The following ANK3 variants were observed in gnomAD, a reference collection of about 807,000 sequenced individuals.
ANK3 encodes the protein ankyrin-3.
Under a neutral mutation model 370.9 loss-of-function variants are expected in ANK3, and 57 were observed. The observed-to-expected ratio is 0.15, with a 90% CI of 0.12 to 0.19. ANK3 has a LOEUF of 0.19. ANK3 is among the 10% of genes least tolerant of loss of function. The pLI is 1.00. For missense variants in ANK3, 4,439 were observed against 5,302.1 expected, an observed-to-expected ratio of 0.84 and a Z score of 5.06; for synonymous variants, 1,929 against 1,946.3, an observed-to-expected ratio of 0.99 and a Z score of 0.23.
intron 2 of ANK3, among the ~76,000 whole-genome samples, chr10:60,539,159 C>T (rs2076790149): frequency 6.6e-6 from 1 of 151,924 alleles, no homozygotes; most frequent in Non-Finnish European, 1.5e-5. Flanking sequence ...ACCATTAATA[C>T]TTGAAATGTC....
chr10:60,531,385 G>A (rs1226566259), intron 2 of ANK3, among the ~76,000 whole-genome samples: 2 of 152,014 alleles, frequency 1.3e-5, no homozygotes, highest in African/African-American at 2.4e-5. Flanking sequence ...TTATATACAT[G>A]TGCCTTTGTA....
At chr10:60,628,608 T>C (rs1337102830) in intron 1 of ANK3, among the ~76,000 whole-genome samples, 1 of 152,118 alleles carries the variant, frequency 6.6e-6, no homozygotes, top group Non-Finnish European at 1.5e-5. Context: ...ACAAAATGGT[T>C]TCAAGAAAAT....
At chr10:60,357,168 C>T (rs2057889885) in intron 1 of ANK3, among the ~76,000 whole-genome samples, 1 of 152,166 alleles carries the variant, frequency 6.6e-6, no homozygotes, top group Non-Finnish European at 1.5e-5. Context: ...GTTTCTGAGG[C>T]TCTGGCCTCT....
intron 1 of ANK3, among the ~76,000 whole-genome samples, chr10:60,313,928 GT>G (rs760802914): frequency 0.011 from 1,404 of 132,048 alleles, 23 homozygotes; most frequent in African/African-American, 0.035. Context: ...TTTTGTTTTT[GT>G]TTTTTTTTTT....
At chr10:60,398,880 C>A (rs2063297561) in intron 2 of ANK3, among the ~76,000 whole-genome samples, 1 of 152,168 alleles carries the variant, frequency 6.6e-6, no homozygotes, top group African/African-American at 2.4e-5. Flanking sequence ...ATATCTGGTT[C>A]ACTATGTCCA....
chr10:60,064,041 CT>C, intron 39 of ANK3, 115 bp downstream of exon 39: 1 of 988,040 alleles, frequency 1.0e-6, no homozygotes, highest in Non-Finnish European at 1.4e-6. Context: ...ACTTAGTTTT[CT>C]ATATTAAAGA....
intron 1 of ANK3, among the ~76,000 whole-genome samples, chr10:60,377,572 G>A (rs1396860487): frequency 6.6e-6 from 1 of 152,110 alleles, no homozygotes; most frequent in Non-Finnish European, 1.5e-5. Context: ...AAACAAATGA[G>A]CAATACTGGT....
intron 18 of ANK3, among the ~76,000 whole-genome samples, chr10:60,179,154 C>T (rs753531632): frequency 1.3e-5 from 2 of 152,298 alleles, no homozygotes; most frequent in Admixed American, 6.5e-5. Context: ...TGGGATACAA[C>T]AAATTCCTTA....
At chr10:60,060,040 T>G in intron 40 of ANK3, 4 of 1,482,400 alleles carry the variant, frequency 2.7e-6, no homozygotes, top group Non-Finnish European at 3.6e-6. Context: ...CTGACTGGAA[T>G]GAATTAGAAT....
In ANK3 at chr10:60,173,141, T is replaced by G. The variant is rs1461482104; in HGVS notation, c.2230A>C (p.Lys744Gln). 6.2e-7 allele frequency: 1 copy of G among 1,614,086 alleles called. No homozygotes were observed. The highest frequency in any genetic ancestry group is 8.5e-7 in the Non-Finnish European group (1 of 1,179,952). ...LHVGCHYGNIKIVNFLLQHSA... is the reference protein window; with the variant it reads ...LHVGCHYGNIQIVNFLLQHSA... The stretch of plus-strand genomic sequence containing the variant: ...TGCTGGAGCAGGAAATTAACAATCT[T>G]GATATTTCCATAGTGGCAGCCCACA... Residue 744 changes from lysine to glutamine, a missense_variant, in exon 19 of 44, where the codon AAG (lysine) becomes CAG (glutamine). Around this residue, in one of 13 missense-constraint regions of ANK3, gnomAD observed 702 missense variants for 941.5 expected, o/e 0.75. Transcript: ENST00000280772.
At chr10:60,047,464 A>G (rs2077157429) in intron 42 of ANK3, among the ~76,000 whole-genome samples, 1 of 152,266 alleles carries the variant, frequency 6.6e-6, no homozygotes, top group South Asian at 2.1e-4. Flanking sequence ...TATATTTTAC[A>G]AAAAGCAAAT....
intron 2 of ANK3, among the ~76,000 whole-genome samples, chr10:60,586,589 C>A (rs1248954687): frequency 1.3e-5 from 2 of 152,148 alleles, no homozygotes; most frequent in African/African-American, 4.8e-5. Context: ...GAGCTGGTTT[C>A]TGGCAGAGAC....
At chr10:60,649,807 T>C (rs58725306) in intron 1 of ANK3, among the ~76,000 whole-genome samples, 1,677 of 152,326 alleles carry the variant, frequency 0.011, 23 homozygotes, top group African/African-American at 0.037. Flanking sequence ...ACTCCATTTC[T>C]CTTTCTTCTA....
chr10:60,489,467 G>T (rs569254233), intron 2 of ANK3, among the ~76,000 whole-genome samples: 7 of 152,154 alleles, frequency 4.6e-5, no homozygotes, highest in African/African-American at 1.7e-4. Context: ...ACAAAAAGCA[G>T]AAAAATATAG....
At chr10:60,496,576 C>T (rs1460697176) in intron 2 of ANK3, among the ~76,000 whole-genome samples, 1 of 150,654 alleles carries the variant, frequency 6.6e-6, no homozygotes, top group East Asian at 1.9e-4. Flanking sequence ...AAAACAACTT[C>T]AAGAAGAAAA....
intron 1 of ANK3, among the ~76,000 whole-genome samples, chr10:60,679,155 C>A (rs1437492642): frequency 6.6e-6 from 1 of 152,082 alleles, no homozygotes; most frequent in Non-Finnish European, 1.5e-5. Flanking sequence ...TGCCAAATAC[C>A]AAAATTGCTG....
chr10:60,122,140 T>G (rs1022296088), intron 25 of ANK3, among the ~76,000 whole-genome samples: 1 of 152,202 alleles, frequency 6.6e-6, no homozygotes, highest in Non-Finnish European at 1.5e-5. Context: ...CACTCCCGAT[T>G]TTTCCAGTTT....
chr10:60,050,656 A>G (rs1375080715), intron 42 of ANK3: 1 of 152,254 alleles, frequency 6.6e-6, no homozygotes, highest in Non-Finnish European at 1.5e-5. Flanking sequence ...ACCCTTAGAA[A>G]GATCTGATGA....
chr10:60,715,235 G>GTGTC (rs1217690345), intron 1 of ANK3, among the ~76,000 whole-genome samples: 2 of 151,584 alleles, frequency 1.3e-5, no homozygotes, highest in African/African-American at 2.4e-5. Context: ...GTGTGTGTGT[G>GTGTC]TGTGTGTGTG....
Sources: gnomAD v4.1 joint callset for allele counts (sites outside exome capture counted in the v4.1 genomes callset) on GRCh38, gnomAD v4.1.1 for gene constraint, gnomAD v4.1.1 regional missense constraint, MANE v1.5 for transcripts, NCBI Gene and HGNC (gene_info 2026-07-23, HGNC 2026-07-21) for gene names.